Variants in FHIP1A observed in about 807,000 individuals in gnomAD.
The protein encoded by FHIP1A is FHF complex subunit HOOK-interacting protein 1A.
Under a neutral mutation model 88.6 loss-of-function variants are expected in FHIP1A, and 61 were observed. That is an observed-to-expected ratio of 0.69 (90% confidence interval 0.56 to 0.85). FHIP1A has a LOEUF of 0.85. FHIP1A is among the 40% of genes least tolerant of loss of function. The pLI is 0.00. For synonymous variants in FHIP1A, 478 were observed against 496.0 expected (o/e 0.96, Z 0.48); for missense variants, 1,154 against 1,273.5 (o/e 0.91, Z 1.43).
At chr4:151,624,812 T>C (rs1450825559) in intron 7 of FHIP1A, among the ~76,000 whole-genome samples, 1 of 152,122 alleles carries the variant, frequency 6.6e-6, no homozygotes, top group Non-Finnish European at 1.5e-5. Flanking sequence ...AAGGGAGGCA[T>C]AGGGGAGCCG....
chr4:151,668,221 T>C lies in FHIP1A; in HGVS notation c.*5467T>C, dbSNP rs1451744831. Among the ~76,000 whole-genome samples the C allele has an allele frequency of 6.6e-5, 10 of 152,184 alleles. No individual in the cohort carries two copies. Among genetic ancestry groups the C allele is most frequent in the Non-Finnish European group, 1.2e-4 (8 of 68,024 alleles). ...ATGGCAGCCACTTCCATGCTGCTTT[T>C]GGTAATGGGTAAAGAATATGGCCTT... On this transcript the variant is annotated 3_prime_UTR_variant, in exon 14 of 14. Transcript: ENST00000435205.
intron 2 of FHIP1A, among the ~76,000 whole-genome samples, chr4:151,473,887 A>G (rs1189586106): frequency 6.6e-6 from 1 of 152,238 alleles, no homozygotes; most frequent in African/African-American, 2.4e-5. Context: ...TGGAAGAGTC[A>G]GGCTCTATAT....
intron 3 of FHIP1A, among the ~76,000 whole-genome samples, chr4:151,559,844 A>G (rs1733102575): frequency 6.6e-6 from 1 of 152,098 alleles, no homozygotes; most frequent in African/African-American, 2.4e-5. Context: ...CTTTCATGAG[A>G]TGAGTTCTTT....
At chr4:151,456,679 A>C (rs1728978538) in intron 2 of FHIP1A, among the ~76,000 whole-genome samples, 1 of 152,208 alleles carries the variant, frequency 6.6e-6, no homozygotes, top group South Asian at 2.1e-4. Flanking sequence ...ACACAAAAGA[A>C]AAATAAATCA....
chr4:151,593,802 A>G (rs1734537646), intron 7 of FHIP1A, among the ~76,000 whole-genome samples: 1 of 152,170 alleles, frequency 6.6e-6, no homozygotes, highest in Non-Finnish European at 1.5e-5. Context: ...ATGATGTTGA[A>G]TAGGAGTGGT....
At chr4:151,474,147 G>A (rs1258025415) in intron 2 of FHIP1A, among the ~76,000 whole-genome samples, 1 of 152,182 alleles carries the variant, frequency 6.6e-6, no homozygotes, top group Non-Finnish European at 1.5e-5. Flanking sequence ...TGTTGGAAAA[G>A]TCTTTTTGTG....
chr4:151,440,028 A>T (rs2126557791), intron 1 of FHIP1A, among the ~76,000 whole-genome samples: 1 of 152,286 alleles, frequency 6.6e-6, no homozygotes, highest in East Asian at 1.9e-4. Context: ...GGTTTAATTG[A>T]CTCACAGTTC....
intron 4 of FHIP1A, among the ~76,000 whole-genome samples, chr4:151,569,322 G>A (rs1206702343): frequency 6.6e-6 from 1 of 152,178 alleles, no homozygotes; most frequent in Non-Finnish European, 1.5e-5. Context: ...GGAAGGATGA[G>A]GCGGGCACAT....
At chr4:151,417,841 G>A (rs1732953624) in intron 1 of FHIP1A, among the ~76,000 whole-genome samples, 1 of 151,932 alleles carries the variant, frequency 6.6e-6, no homozygotes, top group Admixed American at 6.6e-5. Flanking sequence ...TGTACTTTTG[G>A]CTTATTTTAA....
chr4:151,604,254 G>C lies in FHIP1A; in HGVS notation c.978+15328G>C, dbSNP rs565342234. On this transcript the variant is annotated intron_variant, in intron 7 of 13. Transcript: ENST00000435205. ...CTGTTCCCTAGAGTTGGCAGCTCTC[G>C]GTGCCCATGTTATTCTGAGCACGTG... 2.6e-5 allele frequency among the ~76,000 whole-genome samples: 4 copies of C among 151,972 alleles called. No homozygotes were observed. The East Asian group carries it at 7.8e-4, about 29-fold the overall frequency.
rs916005264 is a variant in FHIP1A, at chr4:151,656,131, C to T, written c.2552-101C>T. 2.2e-6 allele frequency: 2 copies of T among 919,240 alleles called. No homozygotes were observed. Among genetic ancestry groups the T allele is most frequent in the Non-Finnish European group, 3.3e-6 (2 of 603,282 alleles). 56.9% of individuals were successfully genotyped at this position (919,240 alleles called of 1,614,324 possible). A position where few individuals can be genotyped will look rare whatever the true frequency, so the allele number is the denominator to read the frequency against. ...TGTGTCTGGCTTGCACCTGTGGGCC[C>T]ATGGTGGTTTGGGAGATGTGGCACC... On this transcript the variant is annotated intron_variant, in intron 11 of 13. Transcript: ENST00000435205. This position sits in a 1 kb window ranked among gnomAD's most constrained non-coding sequence, Gnocchi z 4.2.
chr4:151,410,474 A>T (rs143934763), intron 1 of FHIP1A, among the ~76,000 whole-genome samples: 1 of 152,266 alleles, frequency 6.6e-6, no homozygotes, highest in African/African-American at 2.4e-5. Context: ...GCTAATAGTC[A>T]TAGCAGCCCT....
chr4:151,579,448 G>A (rs1733940755), intron 5 of FHIP1A, among the ~76,000 whole-genome samples: 1 of 152,144 alleles, frequency 6.6e-6, no homozygotes, highest in South Asian at 2.1e-4. Flanking sequence ...AGTTTTGAGA[G>A]GGAGCTATAC....
intron 13 of FHIP1A, among the ~76,000 whole-genome samples, chr4:151,657,102 T>G (rs1236224197): frequency 3.9e-5 from 6 of 152,212 alleles, no homozygotes; most frequent in Admixed American, 3.3e-4. Context: ...CTGGCCTGTT[T>G]CCTCTGTGGA....
At chr4:151,620,956 G>A (rs956784313) in intron 7 of FHIP1A, among the ~76,000 whole-genome samples, 7 of 151,288 alleles carry the variant, frequency 4.6e-5, no homozygotes, top group African/African-American at 1.7e-4. Context: ...CAAATGCAGA[G>A]AGTGGAGGGA....
chr4:151,420,747 A>G (rs1456443594), intron 1 of FHIP1A, among the ~76,000 whole-genome samples: 1 of 152,172 alleles, frequency 6.6e-6, no homozygotes, highest in East Asian at 1.9e-4. Flanking sequence ...TCTTTTGCTT[A>G]GTAGGTTGCC....
At chr4:151,453,757 G>A (rs1380263037) in intron 1 of FHIP1A, among the ~76,000 whole-genome samples, 3 of 152,170 alleles carry the variant, frequency 2.0e-5, no homozygotes, top group African/African-American at 7.2e-5. Context: ...CAGGAGAATC[G>A]CTTGAACTGG....
At chr4:151,583,059 T>G (rs540985683) in intron 5 of FHIP1A, among the ~76,000 whole-genome samples, 155 of 152,286 alleles carry the variant, frequency 1.0e-3, no homozygotes, top group Non-Finnish European at 1.8e-3. Flanking sequence ...TCTCCATCTT[T>G]CCTGGTCCAA....
chr4:151,606,108 A>G (rs1735063854), intron 7 of FHIP1A, among the ~76,000 whole-genome samples: 5 of 152,214 alleles, frequency 3.3e-5, no homozygotes, highest in Admixed American at 2.6e-4. Flanking sequence ...GCAGGACAGC[A>G]TGCTGTTCAA....
Sources: gnomAD v4.1 joint callset for allele counts (sites outside exome capture counted in the v4.1 genomes callset) on GRCh38, gnomAD v4.1.1 for gene constraint, Gnocchi (gnomAD v3.1) non-coding constraint, MANE v1.5 for transcripts, NCBI Gene and HGNC (gene_info 2026-07-23, HGNC 2026-07-21) for gene names.